The following BANK1 variants were observed in gnomAD, a reference collection of about 807,000 sequenced individuals.
BANK1 encodes the protein B-cell scaffold protein with ankyrin repeats.
In BANK1, 95 loss-of-function variants were observed where a neutral mutation model predicts 94.5. That is an observed-to-expected ratio of 1.00 (90% CI 0.85 to 1.19). The LOEUF (loss-of-function observed/expected upper bound fraction) is 1.19, where lower values mean the gene tolerates loss of function less well. BANK1 is among the 50% of genes most tolerant of loss of function. The probability of loss-of-function intolerance (pLI) is 0.00; values close to 1 mark genes in which losing one functional copy is unlikely to be tolerated. For synonymous variants in BANK1, 334 were observed against 308.4 expected (o/e 1.08, Z -0.87); for missense variants, 987 against 932.2 (o/e 1.06, Z -0.77).
intron 1 of BANK1, among the ~76,000 whole-genome samples, chr4:101,809,613 A>C (rs1333511589): frequency 1.3e-5 from 2 of 152,182 alleles, no homozygotes; most frequent in Non-Finnish European, 2.9e-5. Context: ...TCGCATTCTC[A>C]AAGGAACTTT....
In BANK1 at chr4:101,905,811, A is replaced by G. The variant is rs573217405; in HGVS notation, c.1009+10401A>G. On this transcript the variant is annotated intron_variant, in intron 6 of 16. Transcript: ENST00000322953. ...AGCATTGTCAAAAGCTCATAACTGC[A>G]GCACTATATCCTGAGCAGCCGAATC... Among the ~76,000 whole-genome samples, 15 of 152,346 alleles carry G rather than the reference A, an allele frequency of 9.8e-5. No individual in the cohort carries two copies. In the East Asian group the frequency reaches 2.1e-3, roughly 22 times the overall value.
intron 7 of BANK1, among the ~76,000 whole-genome samples, chr4:101,979,691 A>C (rs557645573): frequency 6.6e-6 from 1 of 151,868 alleles, no homozygotes; most frequent in Non-Finnish European, 1.5e-5. Context: ...ACATATGTGT[A>C]TATGTAAGAA....
intron 6 of BANK1, among the ~76,000 whole-genome samples, chr4:101,896,027 A>G (rs927120147): frequency 5.9e-5 from 9 of 151,924 alleles, no homozygotes; most frequent in East Asian, 1.9e-4. Flanking sequence ...GGGTTGTGCA[A>G]TTTCAAATAT....
intron 10 of BANK1, among the ~76,000 whole-genome samples, chr4:102,040,057 T>A (rs997588514): frequency 3.3e-5 from 5 of 152,038 alleles, no homozygotes; most frequent in Non-Finnish European, 5.9e-5. Flanking sequence ...ATAAGATTTA[T>A]CAGATTTTCT....
At chr4:101,837,563 A>G (rs2148866287) in intron 2 of BANK1, among the ~76,000 whole-genome samples, 1 of 152,326 alleles carries the variant, frequency 6.6e-6, no homozygotes, top group East Asian at 1.9e-4. Flanking sequence ...TAAGGTTTCA[A>G]GGATTTTTCC....
chr4:102,042,896 G>A (rs975832164), intron 10 of BANK1, among the ~76,000 whole-genome samples: 3 of 151,912 alleles, frequency 2.0e-5, no homozygotes, highest in Admixed American at 1.3e-4. Context: ...AAGGAACCAC[G>A]CAATAGATTG....
At chr4:102,044,467 T>C (rs568852975) in intron 11 of BANK1, among the ~76,000 whole-genome samples, 1 of 151,290 alleles carries the variant, frequency 6.6e-6, no homozygotes, top group African/African-American at 2.4e-5. Context: ...GTCTTTGCTA[T>C]TGTGAATAAT....
chr4:102,010,089 A>AC lies in BANK1; in HGVS notation c.1207-11422dup, dbSNP rs563816012. Reference sequence around the variant, plus strand: ...AGACCATCCTGGCTAACACGGTGAAACCCGTCTCTACTAAAAATACAAAAA... The same window carrying AC: ...AGACCATCCTGGCTAACACGGTGAAACCCCGTCTCTACTAAAAATACAAAAA... On this transcript the variant is annotated intron_variant, in intron 7 of 16. Coordinates refer to ENST00000322953, the MANE Select transcript of BANK1 (RefSeq NM_017935.5). 4.6e-3 allele frequency among the ~76,000 whole-genome samples: 654 copies of AC among 142,280 alleles called. 2 individuals carry two copies. The highest frequency in any genetic ancestry group is 7.0e-3 in the Middle Eastern group (2 of 286). The allele number at this position is 142,280 out of a possible 152,430, so 93.3% of individuals were successfully genotyped here. A position where few individuals can be genotyped will look rare whatever the true frequency, so the allele number is the denominator to read the frequency against.
rs957889929 is a variant in BANK1, at chr4:101,862,644, T to G, written c.743T>G (p.Val248Gly). The G allele has an allele frequency of 1.1e-5, 18 of 1,606,026 alleles. No individual in the cohort carries two copies. The highest frequency in any genetic ancestry group is 1.5e-5 in the Non-Finnish European group (18 of 1,176,808). ...RTRPALWNKKVWCMKALEFPA... is the reference protein window; with the variant it reads ...RTRPALWNKKGWCMKALEFPA... ...CGGCCAGCCCTTTGGAATAAGAAAG[T>G]CTGGTGCATGAAAGCTTTAGGTAAG... Residue 248 changes from valine to glycine, a missense_variant, in exon 4 of 17, where the codon GTC (valine) becomes GGC (glycine). Transcript: ENST00000322953.
Position 102,046,468 on chromosome 4 carries a change from A to G in BANK1, c.1969+2561A>G, listed in dbSNP as rs114229207. Reference sequence around the variant, plus strand: ...AGGGTTCCAGGAAGGTCAAGTAAGAAAAATTATCTAAGATGCATCAGAGGC... The same window carrying G: ...AGGGTTCCAGGAAGGTCAAGTAAGAGAAATTATCTAAGATGCATCAGAGGC... On this transcript the variant is annotated intron_variant, in intron 11 of 16. Transcript: ENST00000322953. Among the ~76,000 whole-genome samples, 868 of 152,214 alleles carry G rather than the reference A, an allele frequency of 5.7e-3. 11 individuals are homozygous for G. The highest frequency in any genetic ancestry group is 0.02 in the African/African-American group (824 of 41,550).
chr4:101,909,604 T>C (rs1387121495), intron 6 of BANK1, among the ~76,000 whole-genome samples: 4 of 152,194 alleles, frequency 2.6e-5, no homozygotes. Flanking sequence ...AGGTTTTCCT[T>C]GCCCTCATTC....
rs59341810 is a variant in BANK1, at chr4:101,889,604, CAAAAAAA to C, written c.904-5683_904-5677del. 9.1e-5 allele frequency among the ~76,000 whole-genome samples: 5 copies of C among 54,914 alleles called. No individual in the cohort carries two copies. In the Admixed American group the frequency reaches 1.2e-3, roughly 14 times the overall value. The allele number at this position is 54,914 out of a possible 152,430, so 36.0% of individuals were successfully genotyped here. ...TGGGCGACAGAGCGAGACTCCGTCT[CAAAAAAA>C]AAAAAAAAAAAAAAAAAGAATCACT... On this transcript the variant is annotated intron_variant, in intron 5 of 16. Transcript: ENST00000322953.
chr4:101,969,175 C>T (rs1289561256), intron 7 of BANK1, among the ~76,000 whole-genome samples: 2 of 151,934 alleles, frequency 1.3e-5, no homozygotes, highest in African/African-American at 4.8e-5. Flanking sequence ...CAGGGTCAGA[C>T]CAGAGTCCTG....
At chr4:101,831,974 T>C (rs572785861) in intron 2 of BANK1, among the ~76,000 whole-genome samples, 1 of 152,352 alleles carries the variant, frequency 6.6e-6, no homozygotes, top group Non-Finnish European at 1.5e-5. Context: ...TAACAGGGCT[T>C]ACATTGTTGA....
intron 7 of BANK1, among the ~76,000 whole-genome samples, chr4:101,956,735 A>T (rs1724357327): frequency 6.6e-6 from 1 of 152,186 alleles, no homozygotes; most frequent in African/African-American, 2.4e-5. Flanking sequence ...GAACAAAGAG[A>T]ATAAAAAAAA....
intron 7 of BANK1, among the ~76,000 whole-genome samples, chr4:101,930,776 G>T (rs2148905244): frequency 6.6e-6 from 1 of 151,614 alleles, no homozygotes; most frequent in East Asian, 2.0e-4. Flanking sequence ...CCCAGGCAGT[G>T]TAGCTCTACA....
intron 10 of BANK1, chr4:102,036,804 C>T (rs1391441413): frequency 6.6e-6 from 1 of 152,216 alleles, no homozygotes; most frequent in African/African-American, 2.4e-5. Context: ...CACAGAAATA[C>T]TGAATGAAAC....
intron 7 of BANK1, among the ~76,000 whole-genome samples, chr4:102,001,803 A>C (rs547456082): frequency 6.6e-6 from 1 of 152,282 alleles, no homozygotes; most frequent in Admixed American, 6.5e-5. Context: ...CAGCAGGGAC[A>C]AAAAAATTGG....
intron 6 of BANK1, among the ~76,000 whole-genome samples, chr4:101,901,543 G>A (rs753761797): frequency 1.1e-4 from 17 of 152,060 alleles, no homozygotes; most frequent in Non-Finnish European, 2.4e-4. Flanking sequence ...TATTGGGAAA[G>A]GTATGACTAG....
Sources: gnomAD v4.1 joint callset for allele counts (sites outside exome capture counted in the v4.1 genomes callset) on GRCh38, gnomAD v4.1.1 for gene constraint, MANE v1.5 for transcripts, NCBI Gene and HGNC (gene_info 2026-07-23, HGNC 2026-07-21) for gene names.